Variants in ABHD5 observed in about 807,000 individuals in gnomAD.
ABHD5 encodes 1-acylglycerol-3-phosphate O-acyltransferase ABHD5.
Under a neutral mutation model 44.9 loss-of-function variants are expected in ABHD5, and 30 were observed. The ratio of observed to expected loss-of-function variants is 0.67; its 90% CI spans 0.50 to 0.91. The LOEUF (loss-of-function observed/expected upper bound fraction) is 0.91. Ranked by LOEUF, ABHD5 falls within the 40% of genes least tolerant of loss-of-function variation. The probability of loss-of-function intolerance (pLI) is 0.00; values close to 1 mark genes in which losing one functional copy is unlikely to be tolerated. For missense variants in ABHD5, 399 were observed against 423.4 expected (o/e 0.94, Z 0.50); for synonymous variants, 167 against 147.0 (o/e 1.14, Z -0.99).
At chr3:43,704,335 G>T (rs2109406) in intron 3 of ABHD5, among the ~76,000 whole-genome samples, 9,505 of 152,184 alleles carry the variant, frequency 0.062, 491 homozygotes, top group African/African-American at 0.13. Flanking sequence ...CACCGCACCC[G>T]CTGGTGTTAC....
chr3:43,732,941 G>A (rs1697261820), intron 7 of ABHD5, among the ~76,000 whole-genome samples: 4 of 152,148 alleles, frequency 2.6e-5, no homozygotes, highest in African/African-American at 9.7e-5. Flanking sequence ...GCCGTAGTTG[G>A]TAGCTGTCCA....
chr3:43,729,875 G>A (rs1376628348), intron 7 of ABHD5, among the ~76,000 whole-genome samples: 1 of 152,184 alleles, frequency 6.6e-6, no homozygotes, highest in Non-Finnish European at 1.5e-5. Flanking sequence ...AAGCTATTTA[G>A]GAGTCTGTTT....
chr3:43,692,549 C>G (rs1473094298), intron 1 of ABHD5, among the ~76,000 whole-genome samples: 1 of 152,186 alleles, frequency 6.6e-6, no homozygotes, highest in Admixed American at 6.5e-5. Flanking sequence ...AGCTGATCAG[C>G]CATAGTTTCT....
At chr3:43,731,103 C>T (rs1313232022) in intron 7 of ABHD5, among the ~76,000 whole-genome samples, 1 of 152,164 alleles carries the variant, frequency 6.6e-6, no homozygotes, top group Non-Finnish European at 1.5e-5. Flanking sequence ...GCTGGGATTA[C>T]AGGCGTGAGC....
chr3:43,697,354 T>G (rs778987579), intron 1 of ABHD5, among the ~76,000 whole-genome samples: 12 of 152,184 alleles, frequency 7.9e-5, no homozygotes, highest in Non-Finnish European at 1.8e-4. Flanking sequence ...TTTTTTTAAT[T>G]GACCTCTGAT....
rs900806449 is a variant in ABHD5, at chr3:43,720,508, G to C, written c.*1976G>C. ...GATGTTGTAACTCTTTTTAAAGTTA[G>C]ATTTTACCCTGAGGTATAGTATATG... On this transcript the variant is annotated 3_prime_UTR_variant, in exon 7 of 7. Coordinates refer to ENST00000644371, the MANE Select transcript of ABHD5 (RefSeq NM_016006.6). The C allele has an allele frequency of 6.6e-6, 1 of 152,178 alleles. No homozygotes were observed. Among genetic ancestry groups the C allele is most frequent in the African/African-American group, 2.4e-5 (1 of 41,436 alleles). 9.4% of individuals were successfully genotyped at this position (152,178 alleles called of 1,614,324 possible). A position where few individuals can be genotyped will look rare whatever the true frequency, so the allele number is the denominator to read the frequency against.
chr3:43,702,193 T>C (rs749426567), intron 2 of ABHD5, 22 bp from the exon 3 acceptor site: 1 of 1,568,100 alleles, frequency 6.4e-7, no homozygotes, highest in Admixed American at 1.9e-5. Flanking sequence ...GAAACAGAAT[T>C]TCTCTTTTAT....
At chr3:43,713,145 A>G (rs534640057) in intron 4 of ABHD5, among the ~76,000 whole-genome samples, 1 of 151,870 alleles carries the variant, frequency 6.6e-6, no homozygotes, top group African/African-American at 2.4e-5. Flanking sequence ...ACAAAACCCC[A>G]TCTCTACTAA....
intron 7 of ABHD5, chr3:43,733,795 T>C (rs888490428): frequency 1.3e-5 from 2 of 152,220 alleles, no homozygotes; most frequent in African/African-American, 4.8e-5. Context: ...TGGGTGGTGA[T>C]TGCATCATGT....
intron 1 of ABHD5, among the ~76,000 whole-genome samples, chr3:43,698,828 A>T (rs1241234136): frequency 6.6e-6 from 1 of 152,188 alleles, no homozygotes; most frequent in East Asian, 1.9e-4. Context: ...TCGATCTCAG[A>T]TTTTAATAAG....
intron 3 of ABHD5, among the ~76,000 whole-genome samples, chr3:43,705,750 G>A (rs547458473): frequency 6.6e-6 from 1 of 152,260 alleles, no homozygotes; most frequent in Non-Finnish European, 1.5e-5. Flanking sequence ...TTTAAATGGA[G>A]AGGACAGGGA....
chr3:43,707,881 T>C (rs7651354), intron 3 of ABHD5: 16,589 of 152,336 alleles, frequency 0.11, 1,300 homozygotes, highest in South Asian at 0.23. Context: ...CCACCTGCCT[T>C]GGCCTCCCAA....
At chr3:43,717,268 G>A (rs965607916) in intron 5 of ABHD5, among the ~76,000 whole-genome samples, 3 of 152,160 alleles carry the variant, frequency 2.0e-5, no homozygotes, top group Non-Finnish European at 2.9e-5. Flanking sequence ...TATTGTCTGA[G>A]TTTCTTCTTA....
intron 1 of ABHD5, chr3:43,695,222 T>G (rs2084458934): frequency 6.6e-6 from 1 of 152,210 alleles, no homozygotes; most frequent in African/African-American, 2.4e-5. Context: ...CCAAGAAAGG[T>G]CTTTATTTAC....
At chr3:43,712,222 G>T (rs1464563463) in intron 4 of ABHD5, among the ~76,000 whole-genome samples, 3 of 152,096 alleles carry the variant, frequency 2.0e-5, no homozygotes, top group Non-Finnish European at 4.4e-5. Flanking sequence ...GTAGCATGTT[G>T]CCCTGCTGGT....
At chr3:43,704,319 A>T (rs2084588334) in intron 3 of ABHD5, among the ~76,000 whole-genome samples, 1 of 152,270 alleles carries the variant, frequency 6.6e-6, no homozygotes, top group East Asian at 1.9e-4. Context: ...GATTACAGGC[A>T]TGAGCCACCG....
At chr3:43,691,192 GC>G in intron 1 of ABHD5, 153 bp downstream of exon 1, 1 of 670,830 alleles carries the variant, frequency 1.5e-6, no homozygotes, top group Non-Finnish European at 2.2e-6. Flanking sequence ...TCCGCGCGGC[GC>G]CCAGAGGCGT....
downstream of ABHD5, among the ~76,000 whole-genome samples, chr3:43,723,643 A>G (rs2084858550): frequency 6.6e-6 from 1 of 152,210 alleles, no homozygotes; most frequent in African/African-American, 2.4e-5. Context: ...TACATCTAAT[A>G]AGTAAAAACA....
intron 1 of ABHD5, among the ~76,000 whole-genome samples, chr3:43,699,038 T>C (rs890646483): frequency 6.6e-6 from 1 of 152,232 alleles, no homozygotes; most frequent in African/African-American, 2.4e-5. Flanking sequence ...GGAATCTGAC[T>C]ATCCATGAAT....
Sources: allele counts gnomAD v4.1 joint callset (sites outside exome capture counted in the v4.1 genomes callset), GRCh38; gene constraint gnomAD v4.1.1; transcripts MANE v1.5; gene names NCBI Gene and HGNC (gene_info 2026-07-23, HGNC 2026-07-21).